The following ADGRL3 variants were observed in gnomAD, a reference collection of about 807,000 sequenced individuals.
The protein encoded by ADGRL3 is adhesion G protein-coupled receptor L3.
A neutral mutation model predicts 153.5 loss-of-function variants in ADGRL3; 62 were observed. That is an observed-to-expected ratio of 0.40 (90% CI 0.33 to 0.50). The LOEUF (loss-of-function observed/expected upper bound fraction) is 0.50, where lower values mean the gene tolerates loss of function less well. Among genes scored for constraint, ADGRL3 ranks in the 20% least tolerant of loss-of-function variants. ADGRL3 has a pLI of 0.47. For synonymous variants in ADGRL3, 710 were observed against 672.5 expected, an observed-to-expected ratio of 1.06 and a Z score of -0.86; for missense variants, 1,641 against 1,859.4, an observed-to-expected ratio of 0.88 and a Z score of 2.16.
At chr4:61,436,714 A>G (rs1019928730) in intron 2 of ADGRL3, among the ~76,000 whole-genome samples, 6 of 152,162 alleles carry the variant, frequency 3.9e-5, no homozygotes, top group African/African-American at 1.4e-4. Flanking sequence ...ACTTGAAAAT[A>G]CAAAGGTAGA....
Position 61,782,374 on chromosome 4 carries a change from C to T in ADGRL3, c.1400-31435C>T, listed in dbSNP as rs57093382. Among the ~76,000 whole-genome samples, 9 of 152,040 alleles carry T rather than the reference C, an allele frequency of 5.9e-5. No individual in the cohort carries two copies. The East Asian group carries it at 9.7e-4, about 16-fold the overall frequency. ...TTTATTCATTTAAAAAATTTTATGA[C>T]GGTACTGTAGCTTAGCAGCATTGCT... On this transcript the variant is annotated intron_variant, in intron 8 of 26. Transcript: ENST00000683033.
At chr4:61,210,379 A>G (rs1383725294) in intron 1 of ADGRL3, among the ~76,000 whole-genome samples, 1 of 152,104 alleles carries the variant, frequency 6.6e-6, no homozygotes, top group Non-Finnish European at 1.5e-5. Flanking sequence ...GGACAGCCCC[A>G]GTGGCTCCAC....
At chr4:61,967,949 T>G (rs2099012871) in intron 17 of ADGRL3, among the ~76,000 whole-genome samples, 1 of 152,076 alleles carries the variant, frequency 6.6e-6, no homozygotes, top group African/African-American at 2.4e-5. Flanking sequence ...GATACTTTTG[T>G]CAGAAGGCAG....
chr4:61,495,530 G>A (rs2098305468), intron 2 of ADGRL3, among the ~76,000 whole-genome samples: 1 of 151,580 alleles, frequency 6.6e-6, no homozygotes, highest in Admixed American at 6.6e-5. Context: ...GGAAGAGAAT[G>A]GAAGGAAGAA....
At chr4:61,876,030 A>T (rs2149436854) in intron 9 of ADGRL3, among the ~76,000 whole-genome samples, 1 of 152,214 alleles carries the variant, frequency 6.6e-6, no homozygotes, top group Admixed American at 6.6e-5. Flanking sequence ...TCTAAAAAAA[A>T]AATAGAAAAG....
chr4:61,856,948 TTCTCTTTCTTTC>T (rs1441146427), intron 9 of ADGRL3, among the ~76,000 whole-genome samples: 9 of 88,128 alleles, frequency 1.0e-4, no homozygotes, highest in African/African-American at 3.7e-4. Context: ...CTCTTTCTTC[TTCTCTTTCTTTC>T]TTTCTTTCTT....
At chr4:61,625,873 G>A (rs1252791130) in intron 5 of ADGRL3, among the ~76,000 whole-genome samples, 3 of 151,954 alleles carry the variant, frequency 2.0e-5, no homozygotes, top group Admixed American at 6.6e-5. Context: ...GTAAGTAAAG[G>A]GTGAAAACTG....
Position 61,983,285 on chromosome 4 carries a change from G to T in ADGRL3, c.3016-98G>T, listed in dbSNP as rs984244483. ...TAGGTTATTATTTTGCAGATCTATTGTAATGCAGTTTTGGTAAATATTTAA... is the reference window on the plus strand; with the variant it reads ...TAGGTTATTATTTTGCAGATCTATTTTAATGCAGTTTTGGTAAATATTTAA... On this transcript the variant is annotated intron_variant, in intron 18 of 26. Transcript: ENST00000683033. The T allele has an allele frequency of 2.6e-5, 21 of 820,718 alleles. No homozygotes were observed. In the East Asian group the frequency reaches 5.0e-4, roughly 20 times the overall value. The allele number at this position is 820,718 out of a possible 1,614,324, so 50.8% of individuals were successfully genotyped here.
At chr4:61,218,316 CT>C (rs58537809) in intron 1 of ADGRL3, among the ~76,000 whole-genome samples, 88,313 of 147,942 alleles carry the variant, frequency 0.6, 26,702 homozygotes, top group Middle Eastern at 0.68. Context: ...TTAAGTGCTT[CT>C]TTTTTTTTTT....
intron 3 of ADGRL3, among the ~76,000 whole-genome samples, chr4:61,497,578 C>T (rs1162403969): frequency 4.1e-5 from 6 of 147,756 alleles, no homozygotes; most frequent in African/African-American, 1.5e-4. Context: ...TGCGGTGGCA[C>T]GATCTCGGCT....
At chr4:61,340,847 A>T (rs13139413) in intron 1 of ADGRL3, among the ~76,000 whole-genome samples, 11,804 of 150,274 alleles carry the variant, frequency 0.079, 534 homozygotes, top group South Asian at 0.12. Context: ...TATATATATA[A>T]AATATTATAC....
intron 11 of ADGRL3, 110 bp from the exon 12 acceptor site, chr4:61,909,444 AACAACT>A: frequency 1.5e-6 from 1 of 676,158 alleles, no homozygotes; most frequent in Middle Eastern, 2.9e-4. Flanking sequence ...GATGAAGTTT[AACAACT>A]ATTTCTTGAA....
At chr4:61,532,428 C>A (rs2098624754) in intron 4 of ADGRL3, among the ~76,000 whole-genome samples, 2 of 152,128 alleles carry the variant, frequency 1.3e-5, no homozygotes, top group South Asian at 4.2e-4. Flanking sequence ...CTGTAGAGCT[C>A]TTTTCAGAAA....
intron 2 of ADGRL3, among the ~76,000 whole-genome samples, chr4:61,481,413 G>A (rs535821737): frequency 2.6e-5 from 4 of 152,144 alleles, no homozygotes; most frequent in African/African-American, 7.2e-5. Context: ...CTAAAAGGCC[G>A]AAAAGAGCCA....
At chr4:61,895,397 C>A (rs1201641625) in intron 10 of ADGRL3, among the ~76,000 whole-genome samples, 6 of 151,824 alleles carry the variant, frequency 4.0e-5, no homozygotes, top group Admixed American at 6.6e-5. Flanking sequence ...ACCCGGGAGG[C>A]AGAGGTTGCG....
rs549685322 is a variant in ADGRL3, at chr4:61,308,832, A to G, written c.-239-74292A>G. 8.5e-4 allele frequency among the ~76,000 whole-genome samples: 129 copies of G among 152,210 alleles called. 2 individuals are homozygous for G. The highest frequency in any genetic ancestry group is 2.4e-4 in the Non-Finnish European group (16 of 68,042). On this transcript the variant is annotated intron_variant, in intron 1 of 26. Transcript: ENST00000683033. The stretch of plus-strand genomic sequence containing the variant: ...TTGAAATTTTGAAGGTCATGAAGTT[A>G]AAGAAAGAAGAAAGTGCACAATCAG...
chr4:61,570,618 C>T (rs1265237732), intron 4 of ADGRL3, among the ~76,000 whole-genome samples: 1 of 152,174 alleles, frequency 6.6e-6, no homozygotes, highest in Non-Finnish European at 1.5e-5. Flanking sequence ...ACACTTACCA[C>T]TAATGGACAG....
intron 1 of ADGRL3, among the ~76,000 whole-genome samples, chr4:61,361,388 G>A (rs1008572120): frequency 6.6e-6 from 1 of 152,092 alleles, no homozygotes; most frequent in Admixed American, 6.6e-5. Flanking sequence ...AAGCATCATT[G>A]AAATATCTGC....
At chr4:61,245,472 C>G (rs1341179056) in intron 1 of ADGRL3, among the ~76,000 whole-genome samples, 1 of 152,062 alleles carries the variant, frequency 6.6e-6, no homozygotes, top group African/African-American at 2.4e-5. Context: ...GTCCTCATGT[C>G]TTGGCCCCAG....
Sources: allele counts gnomAD v4.1 joint callset (sites outside exome capture counted in the v4.1 genomes callset), GRCh38; gene constraint gnomAD v4.1.1; transcripts MANE v1.5; gene names NCBI Gene and HGNC (gene_info 2026-07-23, HGNC 2026-07-21).